Variants in ETV6 observed in about 807,000 individuals in gnomAD.
The protein encoded by ETV6 is ETS variant transcription factor 6, also known as transcription factor ETV6.
A neutral mutation model predicts 51.1 loss-of-function variants in ETV6; 16 were observed. The observed-to-expected ratio is 0.31, with a 90% CI of 0.21 to 0.48. The LOEUF (loss-of-function observed/expected upper bound fraction) is 0.48. Among genes scored for constraint, ETV6 ranks in the 20% least tolerant of loss-of-function variants. The probability of loss-of-function intolerance (pLI) is 0.99; values close to 1 mark genes in which losing one functional copy is unlikely to be tolerated. For synonymous variants in ETV6, 240 were observed against 224.1 expected, an observed-to-expected ratio of 1.07 and a Z score of -0.64; for missense variants, 458 against 594.8, an observed-to-expected ratio of 0.77 and a Z score of 2.39.
intron 1 of ETV6, among the ~76,000 whole-genome samples, chr12:11,739,816 C>T (rs1865776045): frequency 6.6e-6 from 1 of 152,194 alleles, no homozygotes; most frequent in Non-Finnish European, 1.5e-5. Flanking sequence ...ACCTATGGGG[C>T]TCCCCTTATA....
At chr12:11,783,178 C>T (rs185406036) in intron 2 of ETV6, among the ~76,000 whole-genome samples, 1 of 151,966 alleles carries the variant, frequency 6.6e-6, no homozygotes, top group Admixed American at 6.6e-5. Context: ...CTCCGTGGAG[C>T]CCATTATCTA....
chr12:11,737,936 G>A (rs1865734475), intron 1 of ETV6, among the ~76,000 whole-genome samples: 1 of 152,292 alleles, frequency 6.6e-6, no homozygotes, highest in South Asian at 2.1e-4. Context: ...TTCAGGCTTA[G>A]ACTTTTGTTA....
chr12:11,746,717 G>C (rs1418733544), intron 1 of ETV6, among the ~76,000 whole-genome samples: 4 of 150,824 alleles, frequency 2.7e-5, no homozygotes, highest in Non-Finnish European at 5.9e-5. Flanking sequence ...TTAATCATAG[G>C]GAGAAAAAAA....
chr12:11,795,184 A>G (rs1945657656), intron 2 of ETV6, among the ~76,000 whole-genome samples: 1 of 152,252 alleles, frequency 6.6e-6, no homozygotes, highest in Non-Finnish European at 1.5e-5. Context: ...GGACCTCAGC[A>G]TATAATATTT....
chr12:11,781,486 A>T (rs1243163708), intron 2 of ETV6, among the ~76,000 whole-genome samples: 1 of 152,228 alleles, frequency 6.6e-6, no homozygotes, highest in African/African-American at 2.4e-5. Context: ...TTGGAATCAG[A>T]TATGGATTTG....
At chr12:11,715,772 A>C (rs529840308) in intron 1 of ETV6, among the ~76,000 whole-genome samples, 1 of 152,356 alleles carries the variant, frequency 6.6e-6, no homozygotes, top group African/African-American at 2.4e-5. Context: ...ACAATTTCAC[A>C]ATGTGACCTT....
rs907974917 is a variant in ETV6 at position 11,886,000 on chromosome 12, G to A, written c.1227G>A (p.Lys409=). 1 of 1,613,740 alleles carries A rather than the reference G, an allele frequency of 6.2e-7. No homozygotes were observed. ...RHYYKLNIIR[K]EPGQRLLFRF... ...ACTACAAACTAAACATTATCAGGAA[G>A]GAGCCAGGACAAAGGCTTTTGTTCA... The change falls in exon 7 of 8, where the codon AAG becomes AAA. Residue 409 remains lysine, a synonymous_variant. Transcript: ENST00000396373.
intron 3 of ETV6, among the ~76,000 whole-genome samples, chr12:11,852,259 A>G (rs1328985805): frequency 6.6e-6 from 1 of 152,232 alleles, no homozygotes; most frequent in East Asian, 1.9e-4. Flanking sequence ...TACCAAATAT[A>G]TCAGAACAGA....
rs547786967 is a variant in ETV6 at position 11,891,605 on chromosome 12, A to C, written c.*559A>C. 1.9e-6 allele frequency: 1 copy of C among 530,524 alleles called. No homozygotes were observed. The highest frequency in any genetic ancestry group is 3.9e-5 in the East Asian group (1 of 25,680). 32.9% of individuals were successfully genotyped at this position (530,524 alleles called of 1,614,324 possible). ...GTTACTGTTGGGTCTTGGCTGAAAA[A>C]AAAAAATGCTTTTAAAAAAGATAAA... On this transcript the variant is annotated 3_prime_UTR_variant, in exon 8 of 8. Transcript: ENST00000396373.
chr12:11,655,573 C>T lies in ETV6; in HGVS notation c.33+5413C>T, dbSNP rs1167670414. On this transcript the variant is annotated intron_variant, in intron 1 of 7. Transcript: ENST00000396373. ...TTACTGGGGCATCTCAGGGAACGTT[C>T]CAATGAATAGGCAAGAATGTGTTCC... 3.3e-5 allele frequency among the ~76,000 whole-genome samples: 5 copies of T among 152,214 alleles called. No homozygotes were observed. In the East Asian group the frequency reaches 9.6e-4, roughly 29 times the overall value.
intron 2 of ETV6, among the ~76,000 whole-genome samples, chr12:11,774,876 C>T (rs1310526734): frequency 6.6e-6 from 1 of 152,206 alleles, no homozygotes; most frequent in Non-Finnish European, 1.5e-5. Flanking sequence ...CCCAGGAATT[C>T]TGAGTTTATG....
chr12:11,798,015 A>G (rs547900591), intron 2 of ETV6, among the ~76,000 whole-genome samples: 7 of 152,260 alleles, frequency 4.6e-5, no homozygotes, highest in African/African-American at 1.7e-4. Context: ...TTACCATACA[A>G]GGATAAGATT....
intron 1 of ETV6, among the ~76,000 whole-genome samples, chr12:11,749,592 A>G (rs968423604): frequency 1.3e-5 from 2 of 152,196 alleles, no homozygotes; most frequent in Non-Finnish European, 2.9e-5. Context: ...CCAATTGCTG[A>G]TAGTCTGCTG....
At chr12:11,783,617 G>A (rs1945441177) in intron 2 of ETV6, among the ~76,000 whole-genome samples, 1 of 152,162 alleles carries the variant, frequency 6.6e-6, no homozygotes, top group Non-Finnish European at 1.5e-5. Flanking sequence ...TGAAAATAAA[G>A]GAGAAATATG....
intron 5 of ETV6, among the ~76,000 whole-genome samples, chr12:11,877,852 C>A (rs964015907): frequency 2.0e-5 from 3 of 152,148 alleles, no homozygotes; most frequent in Non-Finnish European, 4.4e-5. Flanking sequence ...GTTAATGAGA[C>A]AACATGTGAA....
Position 11,842,407 on chromosome 12 carries a change from T to TACAC in ETV6, c.328+3133_328+3136dup, listed in dbSNP as rs6144615. Among the ~76,000 whole-genome samples, 663 of 147,942 alleles carry TACAC rather than the reference T, an allele frequency of 4.5e-3. 3 individuals are homozygous for TACAC. The highest frequency in any genetic ancestry group is 9.6e-3 in the African/African-American group (383 of 40,024). ...CCTCTGTCATGGCCCTTGACACAGA[T>TACAC]ACACACACACACACACACACACACA... On this transcript the variant is annotated intron_variant, in intron 3 of 7. Transcript: ENST00000396373.
chr12:11,681,490 C>CACG (rs10676577), intron 1 of ETV6, among the ~76,000 whole-genome samples: 1 of 151,654 alleles, frequency 6.6e-6, no homozygotes, highest in Non-Finnish European at 1.5e-5. Context: ...TCATTTTCAC[C>CACG]GTTTAAGGTC....
intron 2 of ETV6, among the ~76,000 whole-genome samples, chr12:11,793,199 A>G (rs1386350181): frequency 6.6e-6 from 1 of 152,224 alleles, no homozygotes; most frequent in East Asian, 1.9e-4. Context: ...TAACTGTGGC[A>G]GATATTGTCC....
Position 11,724,901 on chromosome 12 carries a change from C to T in ETV6, c.34-27549C>T, listed in dbSNP as rs191262416. 7.2e-5 allele frequency among the ~76,000 whole-genome samples: 11 copies of T among 152,306 alleles called. No individual in the cohort carries two copies. The East Asian group carries it at 1.9e-3, about 27-fold the overall frequency. On this transcript the variant is annotated intron_variant, in intron 1 of 7. Coordinates refer to ENST00000396373, the MANE Select transcript of ETV6 (RefSeq NM_001987.5). The stretch of plus-strand genomic sequence containing the variant: ...CACTGAATAAATCGCAACAGAGTTT[C>T]GGTTGTGGCTGCTCCAGTGTCTTGG...
Sources: allele counts gnomAD v4.1 joint callset (sites outside exome capture counted in the v4.1 genomes callset), GRCh38; gene constraint gnomAD v4.1.1; transcripts MANE v1.5; gene names NCBI Gene and HGNC (gene_info 2026-07-23, HGNC 2026-07-21).